Variants in ACACA observed in about 807,000 individuals in gnomAD.
ACACA encodes the protein acetyl-CoA carboxylase 1.
ACACA carries 103 observed loss-of-function variants against 296.1 expected under a neutral mutation model. The observed-to-expected ratio is 0.35, with a 90% CI of 0.30 to 0.41. The LOEUF is 0.41. Among genes scored for constraint, ACACA ranks in the 10% least tolerant of loss-of-function variants. ACACA has a pLI of 1.00. For missense variants in ACACA, 1,554 were observed against 2,989.7 expected (o/e 0.52, Z 11.20); for synonymous variants, 953 against 1,038.6 (o/e 0.92, Z 1.58).
At chr17:37,290,652 C>G (rs931998276) in intron 3 of ACACA, among the ~76,000 whole-genome samples, 3 of 152,164 alleles carry the variant, frequency 2.0e-5, no homozygotes, top group African/African-American at 4.8e-5. Context: ...TCAAGTTAAC[C>G]TGCACTGAAT....
intron 3 of ACACA, among the ~76,000 whole-genome samples, chr17:37,314,584 G>C (rs1267882048): frequency 1.3e-5 from 2 of 150,404 alleles, no homozygotes; most frequent in East Asian, 3.9e-4. Flanking sequence ...TGGGCTCCAC[G>C]ACCAGAGGCT....
At chr17:37,396,097 T>C (rs2051071708) in intron 1 of ACACA, among the ~76,000 whole-genome samples, 1 of 152,028 alleles carries the variant, frequency 6.6e-6, no homozygotes. Flanking sequence ...CCCAGCACTT[T>C]GGAGGGCCGA....
intron 23 of ACACA, among the ~76,000 whole-genome samples, 188 bp from the exon 24 acceptor site, chr17:37,240,752 AC>A (rs2080354551): frequency 6.6e-6 from 1 of 152,182 alleles, no homozygotes; most frequent in Admixed American, 6.5e-5. Context: ...TATAGACAAG[AC>A]CTTTTTTAAT....
At position 37,221,776 on chromosome 17, in the gene ACACA, T is replaced by A; in HGVS notation, c.3631A>T (p.Asn1211Tyr). 1 of 1,614,216 alleles carries A rather than the reference T, an allele frequency of 6.2e-7. No homozygotes were observed. Among genetic ancestry groups the A allele is most frequent in the South Asian group, 1.1e-5 (1 of 91,086 alleles). ...AACTGGAATTCCACCACACAGGTGT[T>A]GTCCTTAAGCTGGCGGTGTTGTACG... is the stretch of plus-strand genomic sequence containing the variant. ...NSVQHRQLKD[N>Y]TCVVEFQFML... Residue 1211 changes from asparagine to tyrosine, a missense_variant, in exon 29 of 56, where the codon AAC becomes TAC. Asn to Tyr is a moderately radical substitution (Grantham distance 143). Transcript: ENST00000616317.
chr17:37,171,431 AAG>A (rs1439168416), intron 41 of ACACA, among the ~76,000 whole-genome samples: 7 of 152,206 alleles, frequency 4.6e-5, no homozygotes, highest in Admixed American at 3.3e-4. Flanking sequence ...GCATGAAAAA[AAG>A]AGTTTTTCAG....
At chr17:37,296,937 G>A (rs2083366739) in intron 3 of ACACA, among the ~76,000 whole-genome samples, 1 of 148,460 alleles carries the variant, frequency 6.7e-6, no homozygotes, top group Admixed American at 6.8e-5. Flanking sequence ...GGCTGGTCTC[G>A]AACTCCTGGC....
At chr17:37,283,784 C>G (rs1352405215) in intron 4 of ACACA, among the ~76,000 whole-genome samples, 1 of 152,200 alleles carries the variant, frequency 6.6e-6, no homozygotes, top group Non-Finnish European at 1.5e-5. Context: ...GTGCCATGCA[C>G]TCTTCTCTGT....
intron 47 of ACACA, among the ~76,000 whole-genome samples, chr17:37,128,023 T>TTAAA (rs2074890198): frequency 4.4e-5 from 1 of 22,532 alleles, no homozygotes; most frequent in Non-Finnish European, 7.6e-5. Flanking sequence ...AAACTCCATC[T>TTAAA]CAAAAAAAAA....
At chr17:37,270,465 G>A (rs1398775197) in intron 10 of ACACA, among the ~76,000 whole-genome samples, 2 of 152,080 alleles carry the variant, frequency 1.3e-5, no homozygotes, top group African/African-American at 2.4e-5. Context: ...TAAGCCATAC[G>A]CACCAGGTAG....
At chr17:37,117,729 TTTTA>T (rs1248997358) in intron 50 of ACACA, among the ~76,000 whole-genome samples, 4 of 152,164 alleles carry the variant, frequency 2.6e-5, no homozygotes, top group African/African-American at 4.8e-5. Context: ...CTTGACATGC[TTTTA>T]TTTATTTATT....
At chr17:37,205,376 T>C (rs1219325599) in intron 33 of ACACA, among the ~76,000 whole-genome samples, 3 of 152,050 alleles carry the variant, frequency 2.0e-5, no homozygotes, top group Non-Finnish European at 4.4e-5. Context: ...GGAGGATAGA[T>C]GTATAACTGA....
chr17:37,262,342 T>G (rs1372556484), intron 11 of ACACA, among the ~76,000 whole-genome samples: 1 of 152,202 alleles, frequency 6.6e-6, no homozygotes, highest in Admixed American at 6.5e-5. Flanking sequence ...AGATCATGCT[T>G]CCATATGCTT....
chr17:37,356,211 C>A (rs2049134727), intron 1 of ACACA, among the ~76,000 whole-genome samples: 1 of 151,968 alleles, frequency 6.6e-6, no homozygotes, highest in Non-Finnish European at 1.5e-5. Flanking sequence ...AGCAAAAAAC[C>A]AGTTAATAAT....
At chr17:37,332,317 A>G (rs531067112) in intron 2 of ACACA, among the ~76,000 whole-genome samples, 1 of 151,564 alleles carries the variant, frequency 6.6e-6, no homozygotes. Flanking sequence ...ATAAAAATTT[A>G]AAAATATTTT....
intron 3 of ACACA, among the ~76,000 whole-genome samples, chr17:37,307,894 T>C (rs906982698): frequency 3.3e-5 from 5 of 151,700 alleles, no homozygotes; most frequent in African/African-American, 1.2e-4. Context: ...AGTCATAAGA[T>C]CCTTATAGTA....
At chr17:37,162,604 G>T in intron 41 of ACACA, 1 of 272,164 alleles carries the variant, frequency 3.7e-6, no homozygotes, top group South Asian at 4.0e-5. Context: ...AAGCAAGCAT[G>T]AAGAGAGTGC....
At chr17:37,338,304 T>C (rs998018025) in intron 2 of ACACA, among the ~76,000 whole-genome samples, 2 of 144,000 alleles carry the variant, frequency 1.4e-5, no homozygotes, top group Non-Finnish European at 3.0e-5. Context: ...TCCCTTGAAA[T>C]ATTAGGTCTT....
At chr17:37,240,373 G>T in intron 24 of ACACA, 103 bp downstream of exon 24, 1 of 951,908 alleles carries the variant, frequency 1.1e-6, no homozygotes, top group Non-Finnish European at 1.6e-6. Flanking sequence ...AAGTGTTGTT[G>T]ACAGGAGGGG....
intron 55 of ACACA, among the ~76,000 whole-genome samples, chr17:37,087,759 A>AAAAT (rs2072311288): frequency 1.3e-5 from 2 of 152,228 alleles, no homozygotes; most frequent in South Asian, 2.1e-4. Context: ...AAATCAGTAA[A>AAAAT]AAATAGAACT....
Sources: allele counts gnomAD v4.1 joint callset (sites outside exome capture counted in the v4.1 genomes callset), GRCh38; gene constraint gnomAD v4.1.1; transcripts MANE v1.5; gene names NCBI Gene and HGNC (gene_info 2026-07-23, HGNC 2026-07-21).